Variants in GRK7 observed in about 807,000 individuals in gnomAD.
GRK7 encodes the protein G protein-coupled receptor kinase 7, also known as rhodopsin kinase GRK7.
GRK7 carries 24 observed loss-of-function variants against 34.1 expected under a neutral mutation model. The observed-to-expected ratio is 0.70, with a 90% CI of 0.51 to 0.99. The LOEUF is 0.99. GRK7 is among the 50% of genes least tolerant of loss of function. GRK7 has a pLI of 0.00. For missense variants in GRK7, 644 were observed against 707.3 expected, an observed-to-expected ratio of 0.91 and a Z score of 1.02; for synonymous variants, 256 against 279.4, an observed-to-expected ratio of 0.92 and a Z score of 0.84.
intron 4 of GRK7, among the ~76,000 whole-genome samples, chr3:141,806,292 G>T (rs973274505): frequency 2.6e-5 from 4 of 152,156 alleles, no homozygotes; most frequent in African/African-American, 4.8e-5. Context: ...GCCAGGCACG[G>T]TGGCTCACAT....
intron 4 of GRK7, among the ~76,000 whole-genome samples, chr3:141,785,836 G>C (rs2084693418): frequency 6.6e-6 from 1 of 151,796 alleles, no homozygotes; most frequent in Non-Finnish European, 1.5e-5. Context: ...CTACTTGGGA[G>C]GCTGAGGTGG....
At chr3:141,794,279 C>T (rs967937466) in intron 4 of GRK7, among the ~76,000 whole-genome samples, 20 of 152,280 alleles carry the variant, frequency 1.3e-4, no homozygotes, top group African/African-American at 4.6e-4. Context: ...GAGCACAGGG[C>T]CCTGTCCATG....
chr3:141,812,210 G>A (rs933218261), intron 5 of GRK7, among the ~76,000 whole-genome samples: 7 of 152,158 alleles, frequency 4.6e-5, no homozygotes, highest in African/African-American at 1.7e-4. Context: ...GAGAGCCTCT[G>A]TTAATGCTCT....
chr3:141,757,126 C>T, the GRK7 span, among the ~76,000 whole-genome samples: 1,301 of 92,532 alleles, frequency 0.014, 18 homozygotes, highest in East Asian at 0.077. Context: ...CTTAGATCTT[C>T]TTCTTTTTTT....
At chr3:141,780,919 T>C (rs1307447022) in intron 4 of GRK7, 108 bp downstream of exon 4, 5 of 1,003,442 alleles carry the variant, frequency 5.0e-6, no homozygotes, top group Non-Finnish European at 7.2e-6. Flanking sequence ...ATTCTTTTGG[T>C]TTTTTTTCCT....
In GRK7 at chr3:141,801,459, G is replaced by T. The variant is rs542989690; in HGVS notation, c.1051-6186G>T. Among the ~76,000 whole-genome samples the T allele has an allele frequency of 7.9e-5, 12 of 151,692 alleles. No individual in the cohort carries two copies. In the South Asian group the frequency reaches 2.5e-3, roughly 32 times the overall value. ...AAAAACTTGCTAGGTGGGGAAAAAAGACAGAGGAGGAGCCTATAAAAGAGA... is the reference window on the plus strand; with the variant it reads ...AAAAACTTGCTAGGTGGGGAAAAAATACAGAGGAGGAGCCTATAAAAGAGA... On this transcript the variant is annotated intron_variant, in intron 4 of 5. Transcript: ENST00000682958.
chr3:141,778,112 C>A lies in GRK7; in HGVS notation c.-113-60C>A. 1 of 746,738 alleles carries A rather than the reference C, an allele frequency of 1.3e-6. No individual in the cohort carries two copies. Among genetic ancestry groups the A allele is most frequent in the Non-Finnish European group, 2.1e-6 (1 of 473,834 alleles). 46.3% of individuals were successfully genotyped at this position (746,738 alleles called of 1,614,324 possible). On this transcript the variant is annotated intron_variant, in intron 2 of 5. Coordinates refer to ENST00000682958, the MANE Select transcript of GRK7 (RefSeq NM_139209.3). The surrounding 1 kb of genome is among the most constrained non-coding windows in gnomAD (Gnocchi z 4.1). ...GCAGTTCCTGGCGGGCTATACATAG[C>A]CAGTCAAAGCTTCTTACAAGAGAAA...
At chr3:141,779,627 A>T (rs1423984436) in intron 3 of GRK7, among the ~76,000 whole-genome samples, 2 of 152,272 alleles carry the variant, frequency 1.3e-5, no homozygotes, top group East Asian at 3.9e-4. Context: ...GGTAAGCAAC[A>T]CCTCAATCTG....
intron 2 of GRK7, among the ~76,000 whole-genome samples, chr3:141,777,320 C>CTATTTT (rs1430414216): frequency 1.9e-5 from 1 of 53,346 alleles, no homozygotes; most frequent in East Asian, 4.4e-4. Context: ...GAGATGGCCC[C>CTATTTT]TCTTTTTTTT....
intron 4 of GRK7, among the ~76,000 whole-genome samples, chr3:141,788,270 T>A (rs2084706166): frequency 6.6e-6 from 1 of 152,142 alleles, no homozygotes; most frequent in Admixed American, 6.5e-5. Flanking sequence ...GAAAGTGCCA[T>A]GACCAGAGTG....
intron 4 of GRK7, among the ~76,000 whole-genome samples, chr3:141,802,513 G>A (rs1710981325): frequency 6.6e-6 from 1 of 152,220 alleles, no homozygotes; most frequent in South Asian, 2.1e-4. Context: ...CCACATCAAA[G>A]TATGTCCTTG....
chr3:141,807,784 A>G lies in GRK7; in HGVS notation c.1190A>G (p.Lys397Arg), dbSNP rs1711051315. 1.9e-6 allele frequency: 3 copies of G among 1,614,216 alleles called. No homozygotes were observed. Among genetic ancestry groups the G allele is most frequent in the Middle Eastern group, 1.6e-4 (1 of 6,062 alleles). ...ACACCATTCAAAGATTACAAGGAAAAGGTCAGTAAAGAGGATCTGAAGCAA... is the reference window on the plus strand; with the variant it reads ...ACACCATTCAAAGATTACAAGGAAAGGGTCAGTAAAGAGGATCTGAAGCAA... ...GRTPFKDYKE[K>R]VSKEDLKQRT... Residue 397 changes from lysine to arginine, a missense_variant, in exon 5 of 6, where the codon AAG becomes AGG. Transcript: ENST00000682958.
the GRK7 span, among the ~76,000 whole-genome samples, chr3:141,757,136 T>TTTC: frequency 6.3e-3 from 800 of 127,800 alleles, 5 homozygotes; most frequent in African/African-American, 0.033. Context: ...CTTCTTTTTT[T>TTTC]TTTTTTTTTT....
chr3:141,786,505 C>T (rs1213428826), intron 4 of GRK7, among the ~76,000 whole-genome samples: 2 of 152,082 alleles, frequency 1.3e-5, no homozygotes, highest in East Asian at 3.9e-4. Flanking sequence ...TAGCAGGGTG[C>T]TGTGGCTCAC....
intron 4 of GRK7, among the ~76,000 whole-genome samples, chr3:141,805,874 A>G (rs1447163927): frequency 6.6e-6 from 1 of 152,178 alleles, no homozygotes; most frequent in Admixed American, 6.5e-5. Flanking sequence ...CTATCGCACT[A>G]CAGCCTCGAA....
chr3:141,802,486 C>T (rs981569295), intron 4 of GRK7, among the ~76,000 whole-genome samples: 3 of 151,954 alleles, frequency 2.0e-5, no homozygotes, highest in Non-Finnish European at 2.9e-5. Context: ...TAGCCAGCAC[C>T]GTGGATGAAA....
rs146741484 is a variant in GRK7, at chr3:141,787,746, G to A, written c.1050+6935G>A. ...CCACCAGTCAGGTGCTGTGACTCAC[G>A]CCTGTAATCCCAACACTTTGGGAAG... On this transcript the variant is annotated intron_variant, in intron 4 of 5. Coordinates refer to ENST00000682958, the MANE Select transcript of GRK7 (RefSeq NM_139209.3). 4.8e-3 allele frequency among the ~76,000 whole-genome samples: 728 copies of A among 151,816 alleles called. 11 individuals carry two copies. The highest frequency in any genetic ancestry group is 0.017 in the African/African-American group (698 of 41,358).
intron 1 of GRK7, among the ~76,000 whole-genome samples, chr3:141,767,334 T>G (rs1251594954): frequency 2.0e-5 from 3 of 152,208 alleles, no homozygotes; most frequent in African/African-American, 7.2e-5. Flanking sequence ...AACTGAATGC[T>G]TGGTTTTATA....
chr3:141,816,000 T>C (rs983208707), intron 5 of GRK7, among the ~76,000 whole-genome samples: 1 of 152,192 alleles, frequency 6.6e-6, no homozygotes, highest in Non-Finnish European at 1.5e-5. Flanking sequence ...TTTGTTGTTT[T>C]AAGGCACTAA....
Sources: allele counts gnomAD v4.1 joint callset (sites outside exome capture counted in the v4.1 genomes callset), GRCh38; gene constraint gnomAD v4.1.1; non-coding constraint Gnocchi (gnomAD v3.1); transcripts MANE v1.5; gene names NCBI Gene and HGNC (gene_info 2026-07-23, HGNC 2026-07-21).